The following FREM3 variants were observed in gnomAD, a reference collection of about 807,000 sequenced individuals.
FREM3 encodes FRAS1 related extracellular matrix 3.
Under a neutral mutation model 129.1 loss-of-function variants are expected in FREM3, and 105 were observed. The ratio of observed to expected loss-of-function variants is 0.81; its 90% CI spans 0.69 to 0.96. The LOEUF is 0.96. Ranked by LOEUF, FREM3 falls within the 40% of genes least tolerant of loss-of-function variation. The pLI is 0.00. For synonymous variants in FREM3, 1,014 were observed against 1,044.9 expected (o/e 0.97, Z 0.57); for missense variants, 2,593 against 2,666.3 (o/e 0.97, Z 0.61).
At chr4:143,637,688 A>G (rs947140168) in intron 2 of FREM3, among the ~76,000 whole-genome samples, 1 of 152,154 alleles carries the variant, frequency 6.6e-6, no homozygotes, top group Non-Finnish European at 1.5e-5. Flanking sequence ...ACAATAGGCT[A>G]TTTTGTGCAA....
At chr4:143,650,974 C>A (rs1170447332) in intron 2 of FREM3, among the ~76,000 whole-genome samples, 1 of 152,196 alleles carries the variant, frequency 6.6e-6, no homozygotes, top group Non-Finnish European at 1.5e-5. Flanking sequence ...ATCTTCCTGG[C>A]AAGTAAACAA....
Position 143,695,978 on chromosome 4 carries a change from A to T in FREM3, c.4698T>A (p.Asp1566Glu). Residue 1566 changes from aspartate to glutamate, a missense_variant, in exon 1 of 8, where the codon GAT (aspartate) becomes GAA (glutamate). Transcript: ENST00000329798. ...TLLELTVEDS[D>E]TPDDLILFTI... ...TAAAGAGAATAAGGTCATCTGGGGT[A>T]TCACTGTCTTCCACTGTCAACTCAA... 6.5e-7 allele frequency: 1 copy of T among 1,537,912 alleles called. No homozygotes were observed. The highest frequency in any genetic ancestry group is 8.7e-7 in the Non-Finnish European group (1 of 1,147,064).
At chr4:143,663,366 A>G (rs1253241022) in intron 2 of FREM3, among the ~76,000 whole-genome samples, 1 of 152,128 alleles carries the variant, frequency 6.6e-6, no homozygotes, top group African/African-American at 2.4e-5. Context: ...TGGATATGAA[A>G]TTCTGGATTG....
chr4:143,646,957 T>A (rs1176895007), intron 2 of FREM3, among the ~76,000 whole-genome samples: 2 of 152,004 alleles, frequency 1.3e-5, no homozygotes, highest in Non-Finnish European at 2.9e-5. Flanking sequence ...TGTGGAAAAG[T>A]TTAGAACTTC....
intron 6 of FREM3, among the ~76,000 whole-genome samples, chr4:143,605,630 C>T (rs2149838270): frequency 6.6e-6 from 1 of 152,244 alleles, no homozygotes; most frequent in African/African-American, 2.4e-5. Context: ...CCAGGATATG[C>T]ACTGGATTAA....
rs1202480477 is a variant in FREM3, at chr4:143,700,493, G to T, written c.183C>A (p.Ser61Arg). The change falls in exon 1 of 8, where the codon AGC becomes AGA. Residue 61 changes from serine (S) to arginine (R), a missense_variant. Ser to Arg is a moderately radical substitution (Grantham distance 110). Coordinates refer to ENST00000329798, the MANE Select transcript of FREM3 (RefSeq NM_001168235.2). Reference sequence around the variant, plus strand: ...GGAGTCCAGGGTTGGCAATCAGCACGCTGGGGCCGTCGGGGCGAGTGCCGT... The same window carrying T: ...GGAGTCCAGGGTTGGCAATCAGCACTCTGGGGCCGTCGGGGCGAGTGCCGT... Reference protein sequence around the residue: ...ALDGTRPDGPSVLIANPGLRV... With the variant: ...ALDGTRPDGPRVLIANPGLRV... 6.6e-7 allele frequency: 1 copy of T among 1,513,304 alleles called. No individual in the cohort carries two copies. Among genetic ancestry groups the T allele is most frequent in the South Asian group, 1.2e-5 (1 of 80,946 alleles). 93.7% of individuals were successfully genotyped at this position (1,513,304 alleles called of 1,614,324 possible).
chr4:143,640,021 C>A (rs1045032216), intron 2 of FREM3, among the ~76,000 whole-genome samples: 4 of 152,302 alleles, frequency 2.6e-5, no homozygotes, highest in South Asian at 2.1e-4. Context: ...CCAGCGATAC[C>A]AAGTTCTCAT....
chr4:143,600,053 T>C (rs1427236040), intron 6 of FREM3, among the ~76,000 whole-genome samples: 1 of 152,156 alleles, frequency 6.6e-6, no homozygotes, highest in Non-Finnish European at 1.5e-5. Context: ...AGCTGGAGAA[T>C]AGTCTGTGCC....
intron 6 of FREM3, among the ~76,000 whole-genome samples, chr4:143,589,836 T>A (rs570736455): frequency 6.6e-6 from 1 of 152,330 alleles, no homozygotes; most frequent in South Asian, 2.1e-4. Context: ...TTGGGCAGTA[T>A]GGCCATTTTC....
At chr4:143,674,910 C>G (rs572628682) in intron 2 of FREM3, among the ~76,000 whole-genome samples, 1 of 152,290 alleles carries the variant, frequency 6.6e-6, no homozygotes, top group East Asian at 1.9e-4. Context: ...GAGAGACATA[C>G]AAAGAGACTT....
At chr4:143,595,829 A>G (rs1248277836) in intron 6 of FREM3, among the ~76,000 whole-genome samples, 1 of 147,598 alleles carries the variant, frequency 6.8e-6, no homozygotes, top group Non-Finnish European at 1.5e-5. Context: ...CAGAGCTTGC[A>G]GTGAGCTGAG....
intron 2 of FREM3, among the ~76,000 whole-genome samples, chr4:143,675,166 A>G (rs1578863930): frequency 6.6e-6 from 1 of 152,238 alleles, no homozygotes; most frequent in South Asian, 2.1e-4. Context: ...CAAATATAAA[A>G]GAACAGAAAT....
At chr4:143,663,076 C>A (rs1338076643) in intron 2 of FREM3, among the ~76,000 whole-genome samples, 1 of 152,030 alleles carries the variant, frequency 6.6e-6, no homozygotes, top group Non-Finnish European at 1.5e-5. Flanking sequence ...GCATTTAGTC[C>A]ATTTACATTT....
intron 6 of FREM3, among the ~76,000 whole-genome samples, chr4:143,607,225 C>T (rs1047842183): frequency 1.3e-5 from 2 of 152,166 alleles, no homozygotes; most frequent in Non-Finnish European, 2.9e-5. Flanking sequence ...CATTCCTGCA[C>T]AGTCTTGAAT....
At chr4:143,650,016 A>G (rs1739483369) in intron 2 of FREM3, among the ~76,000 whole-genome samples, 2 of 152,234 alleles carry the variant, frequency 1.3e-5, no homozygotes, top group South Asian at 2.1e-4. Context: ...TGCTGTTTCT[A>G]TCTTTGTTCC....
chr4:143,599,089 G>A (rs755187455), intron 6 of FREM3, among the ~76,000 whole-genome samples: 3 of 152,200 alleles, frequency 2.0e-5, no homozygotes, highest in Non-Finnish European at 4.4e-5. Flanking sequence ...TCTTGAGTCA[G>A]TATGTCTGTA....
chr4:143,600,058 T>C (rs768286706), intron 6 of FREM3, among the ~76,000 whole-genome samples: 5 of 152,214 alleles, frequency 3.3e-5, no homozygotes, highest in Non-Finnish European at 4.4e-5. Context: ...GAGAATAGTC[T>C]GTGCCCTGGA....
intron 3 of FREM3, 51 bp from the exon 4 acceptor site, chr4:143,624,389 T>C: frequency 1.8e-6 from 2 of 1,115,700 alleles, no homozygotes; most frequent in Non-Finnish European, 2.6e-6. Flanking sequence ...ACTGAAGGCA[T>C]AGTCTCCTTT....
At chr4:143,606,327 G>A (rs550402789) in intron 6 of FREM3, among the ~76,000 whole-genome samples, 1 of 151,710 alleles carries the variant, frequency 6.6e-6, no homozygotes, top group African/African-American at 2.4e-5. Flanking sequence ...GGGTTTGCTT[G>A]CTAAATGGTA....
Sources: gnomAD v4.1 joint callset for allele counts (sites outside exome capture counted in the v4.1 genomes callset) on GRCh38, gnomAD v4.1.1 for gene constraint, MANE v1.5 for transcripts, NCBI Gene and HGNC (gene_info 2026-07-23, HGNC 2026-07-21) for gene names.